NXN: variants seen among roughly 807,000 people sequenced by gnomAD.
NXN encodes the protein nucleoredoxin.
NXN carries 16 observed loss-of-function variants against 48.6 expected under a neutral mutation model. The observed-to-expected ratio is 0.33, with a 90% CI of 0.22 to 0.50. The LOEUF (loss-of-function observed/expected upper bound fraction) is 0.50. Ranked by LOEUF, NXN falls within the 20% of genes least tolerant of loss-of-function variation. The pLI, the probability that NXN is intolerant of heterozygous loss-of-function variation, is 0.98. For synonymous variants in NXN, 281 were observed against 269.6 expected, an observed-to-expected ratio of 1.04 and a Z score of -0.41; for missense variants, 492 against 605.5, an observed-to-expected ratio of 0.81 and a Z score of 1.97.
intron 1 of NXN, among the ~76,000 whole-genome samples, chr17:860,944 T>A (rs2068034051): frequency 1.3e-5 from 2 of 152,154 alleles, no homozygotes; most frequent in South Asian, 4.1e-4. Context: ...GAAAAGAAAG[T>A]TTGAACTTGA....
chr17:974,471 T>C (rs1567528522), intron 1 of NXN, among the ~76,000 whole-genome samples: 2 of 152,054 alleles, frequency 1.3e-5, no homozygotes, highest in African/African-American at 4.8e-5. Flanking sequence ...AACTTAATGA[T>C]CATTTATCTA....
intron 5 of NXN, among the ~76,000 whole-genome samples, chr17:809,660 G>A (rs1983707): frequency 0.25 from 38,478 of 152,102 alleles, 5,127 homozygotes; most frequent in East Asian, 0.37. Context: ...CAGGTTCTAG[G>A]ACAGAAAGAG....
intron 2 of NXN, among the ~76,000 whole-genome samples, chr17:824,518 T>A (rs1912993053): frequency 1.3e-5 from 2 of 152,176 alleles, no homozygotes; most frequent in Admixed American, 6.5e-5. Flanking sequence ...ATACCCGGGA[T>A]TGTGGATTCA....
At chr17:801,733 C>G (rs1019687771) in intron 7 of NXN, among the ~76,000 whole-genome samples, 2 of 152,206 alleles carry the variant, frequency 1.3e-5, no homozygotes, top group Non-Finnish European at 2.9e-5. Context: ...CGTCAGCCAC[C>G]GTGCCAGTCT....
At chr17:850,053 G>C (rs970319853) in intron 1 of NXN, among the ~76,000 whole-genome samples, 1 of 152,122 alleles carries the variant, frequency 6.6e-6, no homozygotes, top group African/African-American at 2.4e-5. Context: ...AAGGCAGCTG[G>C]AGTCCATTTC....
chr17:885,622 G>A (rs377008693), intron 1 of NXN, among the ~76,000 whole-genome samples: 2 of 23,746 alleles, frequency 8.4e-5, no homozygotes, highest in South Asian at 1.7e-3. Context: ...GCGCACACAT[G>A]CCCCTCTCTG....
chr17:832,616 C>G (rs1913546997), intron 1 of NXN, among the ~76,000 whole-genome samples: 1 of 152,140 alleles, frequency 6.6e-6, no homozygotes, highest in African/African-American at 2.4e-5. Flanking sequence ...TTCTGAAACT[C>G]TTATGTGAGT....
intron 1 of NXN, among the ~76,000 whole-genome samples, chr17:831,651 C>G (rs1913481396): frequency 6.6e-6 from 1 of 151,790 alleles, no homozygotes; most frequent in Non-Finnish European, 1.5e-5. Context: ...AGGCATTCGC[C>G]ACCACACCTG....
At chr17:940,382 T>C (rs976848942) in intron 1 of NXN, among the ~76,000 whole-genome samples, 2 of 152,060 alleles carry the variant, frequency 1.3e-5, no homozygotes, top group African/African-American at 4.8e-5. Flanking sequence ...GCGTGAGCCA[T>C]TGCACCTGGC....
chr17:955,801 C>T (rs1040559814), intron 1 of NXN, among the ~76,000 whole-genome samples: 1 of 151,996 alleles, frequency 6.6e-6, no homozygotes, highest in African/African-American at 2.4e-5. Flanking sequence ...ACTCGGGAGG[C>T]TGAGGCAGGA....
chr17:930,059 G>C (rs1483371168), intron 1 of NXN: 1 of 152,050 alleles, frequency 6.6e-6, no homozygotes, highest in Non-Finnish European at 1.5e-5. Context: ...AATGACAGCT[G>C]TGTAGCCGAC....
At position 978,688 on chromosome 17, in the gene NXN, G is replaced by C. The variant is rs1226848241; in HGVS notation, c.360+631C>G. ...GCCGTGAGCGCCCTTCTCGGCCACA[G>C]CCACGGCCACGGTCACCGGCCGCCT... On this transcript the variant is annotated intron_variant, in intron 1 of 7. Coordinates refer to ENST00000336868, the MANE Select transcript of NXN (RefSeq NM_022463.5). The surrounding 1 kb of genome is among the most constrained non-coding windows in gnomAD (Gnocchi z 4.1). 1.3e-5 allele frequency: 2 copies of C among 152,278 alleles called. No homozygotes were observed. The highest frequency in any genetic ancestry group is 4.8e-5 in the African/African-American group (2 of 41,464). 9.4% of individuals were successfully genotyped at this position (152,278 alleles called of 1,614,324 possible). A position where few individuals can be genotyped will look rare whatever the true frequency, so the allele number is the denominator to read the frequency against.
At chr17:843,557 C>T (rs933606897) in intron 1 of NXN, among the ~76,000 whole-genome samples, 2 of 152,210 alleles carry the variant, frequency 1.3e-5, no homozygotes, top group East Asian at 1.9e-4. Flanking sequence ...AGGCTAGGGC[C>T]ATATGTGCTC....
At chr17:881,616 G>C (rs2068285315) in intron 1 of NXN, among the ~76,000 whole-genome samples, 1 of 152,098 alleles carries the variant, frequency 6.6e-6, no homozygotes, top group Non-Finnish European at 1.5e-5. Context: ...TACCGCTCAG[G>C]ATTCCTACTC....
intron 1 of NXN, among the ~76,000 whole-genome samples, chr17:910,537 T>A (rs1463854732): frequency 6.6e-6 from 1 of 152,194 alleles, no homozygotes; most frequent in Non-Finnish European, 1.5e-5. Flanking sequence ...TTTTATTTGT[T>A]TTTTAGAAGA....
At chr17:823,499 G>A (rs553082798) in intron 3 of NXN, 133 bp downstream of exon 3, 34 of 921,630 alleles carry the variant, frequency 3.7e-5, no homozygotes, top group African/African-American at 5.0e-5. Flanking sequence ...ACCAGGCCTC[G>A]GGCACAGGAG....
chr17:889,388 G>A (rs2068384773), intron 1 of NXN, among the ~76,000 whole-genome samples: 1 of 152,254 alleles, frequency 6.6e-6, no homozygotes, highest in South Asian at 2.1e-4. Context: ...CAGGAAGGTA[G>A]AAATGAATGA....
chr17:906,812 G>A (rs964934707), intron 1 of NXN, among the ~76,000 whole-genome samples: 21 of 151,290 alleles, frequency 1.4e-4, no homozygotes, highest in Middle Eastern at 3.4e-3. Flanking sequence ...CAGGTGATCC[G>A]CCCACCTCAG....
chr17:828,356 G>T (rs1425288086), intron 1 of NXN, among the ~76,000 whole-genome samples: 1 of 147,732 alleles, frequency 6.8e-6, no homozygotes, highest in Non-Finnish European at 1.5e-5. Context: ...CACCCACCTC[G>T]GCCTCACAAA....
Sources: allele counts gnomAD v4.1 joint callset (sites outside exome capture counted in the v4.1 genomes callset), GRCh38; gene constraint gnomAD v4.1.1; non-coding constraint Gnocchi (gnomAD v3.1); transcripts MANE v1.5; gene names NCBI Gene and HGNC (gene_info 2026-07-23, HGNC 2026-07-21).